Variants in LRP12 observed in about 807,000 individuals in gnomAD.
The protein encoded by LRP12 is low-density lipoprotein receptor-related protein 12.
Under a neutral mutation model 66.0 loss-of-function variants are expected in LRP12, and 14 were observed. The ratio of observed to expected loss-of-function variants is 0.21; its 90% CI spans 0.14 to 0.33. LRP12 has a LOEUF of 0.33. LRP12 is among the 10% of genes least tolerant of loss of function. LRP12 has a pLI of 1.00. For missense variants in LRP12, 889 were observed against 1,053.4 expected (o/e 0.84, Z 2.16); for synonymous variants, 357 against 359.1 (o/e 0.99, Z 0.07).
intron 1 of LRP12, among the ~76,000 whole-genome samples, chr8:104,551,189 T>A (rs1430914668): frequency 6.6e-6 from 1 of 152,194 alleles, no homozygotes; most frequent in African/African-American, 2.4e-5. Flanking sequence ...AAAAGTTGAG[T>A]GCATTGCCAC....
chr8:104,548,348 TATATA>T (rs1811658077), intron 1 of LRP12, among the ~76,000 whole-genome samples: 1 of 45,190 alleles, frequency 2.2e-5, no homozygotes, highest in African/African-American at 2.0e-4. Flanking sequence ...AATATATAAA[TATATA>T]ATATATATTA....
chr8:104,492,893 C>T (rs1379801804), intron 6 of LRP12, among the ~76,000 whole-genome samples: 1 of 151,978 alleles, frequency 6.6e-6, no homozygotes, highest in Non-Finnish European at 1.5e-5. Flanking sequence ...TTATAATGAA[C>T]TTCTCCACAG....
intron 1 of LRP12, among the ~76,000 whole-genome samples, chr8:104,580,606 A>G (rs1315371053): frequency 6.6e-6 from 1 of 152,094 alleles, no homozygotes; most frequent in Non-Finnish European, 1.5e-5. Flanking sequence ...CAAGAAAAAA[A>G]CCCATTGAAA....
chr8:104,527,738 C>T (rs909056855), intron 2 of LRP12, among the ~76,000 whole-genome samples: 4 of 151,932 alleles, frequency 2.6e-5, no homozygotes, highest in African/African-American at 4.8e-5. Context: ...TGCTAAATGA[C>T]GAGTTAATGG....
Position 104,490,499 on chromosome 8 carries a change from C to CT in LRP12, c.*173dup, listed in dbSNP as rs757005736. 3.6e-5 allele frequency: 23 copies of CT among 637,944 alleles called. No individual in the cohort carries two copies. Among genetic ancestry groups the CT allele is most frequent in the Non-Finnish European group, 5.2e-5 (20 of 385,642 alleles). The allele number at this position is 637,944 out of a possible 1,614,324, so 39.5% of individuals were successfully genotyped here. A position where few individuals can be genotyped will look rare whatever the true frequency, so the allele number is the denominator to read the frequency against. ...TTTTTAGCTGCTAAAATAGTAAACT[C>CT]TAAGTTCATAGAGTTACAAGTTGTC... On this transcript the variant is annotated 3_prime_UTR_variant, in exon 7 of 7. Coordinates refer to ENST00000276654, the MANE Select transcript of LRP12 (RefSeq NM_013437.5).
intron 1 of LRP12, among the ~76,000 whole-genome samples, chr8:104,575,219 C>T (rs1045840045): frequency 6.6e-6 from 1 of 152,190 alleles, no homozygotes; most frequent in African/African-American, 2.4e-5. Flanking sequence ...TCCACCAGTG[C>T]CCTGCCCCCA....
chr8:104,537,716 A>T (rs1225344522), intron 1 of LRP12, among the ~76,000 whole-genome samples: 5 of 152,190 alleles, frequency 3.3e-5, no homozygotes, highest in Non-Finnish European at 5.9e-5. Context: ...ATGAACATAT[A>T]GATATATGAC....
At chr8:104,514,050 T>C (rs1414513026) in intron 2 of LRP12, among the ~76,000 whole-genome samples, 1 of 152,156 alleles carries the variant, frequency 6.6e-6, no homozygotes, top group Non-Finnish European at 1.5e-5. Flanking sequence ...TGAAGAATAC[T>C]ACAGGCGTTT....
chr8:104,507,565 A>G (rs1164267505), intron 3 of LRP12: 1 of 152,242 alleles, frequency 6.6e-6, no homozygotes, highest in Non-Finnish European at 1.5e-5. Flanking sequence ...TTTATGCTAA[A>G]AAACTCCCAA....
chr8:104,570,399 T>C (rs1416253957), intron 1 of LRP12, among the ~76,000 whole-genome samples: 2 of 152,152 alleles, frequency 1.3e-5, no homozygotes, highest in Non-Finnish European at 2.9e-5. Flanking sequence ...CTACAGTAAT[T>C]AAGAAAGTGT....
Position 104,577,644 on chromosome 8 carries a change from AC to A in LRP12, c.79+11174del, listed in dbSNP as rs1812185683. 1.3e-5 allele frequency among the ~76,000 whole-genome samples: 2 copies of A among 152,004 alleles called. 1 individual carries two copies. The highest frequency in any genetic ancestry group is 4.1e-4 in the South Asian group (2 of 4,820). ...GCTAACAAGGTGAAACCCTGTCTCTACTGAAAATGCAAAAAAATTAGCTGGG... is the reference window on the plus strand; with the variant it reads ...GCTAACAAGGTGAAACCCTGTCTCTATGAAAATGCAAAAAAATTAGCTGGG... On this transcript the variant is annotated intron_variant, in intron 1 of 6. Transcript: ENST00000276654.
At chr8:104,563,793 C>T (rs1410679410) in intron 1 of LRP12, among the ~76,000 whole-genome samples, 1 of 152,140 alleles carries the variant, frequency 6.6e-6, no homozygotes, top group Non-Finnish European at 1.5e-5. Flanking sequence ...TCAAATCTGC[C>T]AGTGCCTCGA....
chr8:104,548,189 T>TTAATATTA lies in LRP12; in HGVS notation c.80-16227_80-16226insTAATATTA, dbSNP rs1554709910. Among the ~76,000 whole-genome samples, 644 of 91,582 alleles carry TTAATATTA rather than the reference T, an allele frequency of 7.0e-3. 13 individuals carry two copies. Among genetic ancestry groups the TTAATATTA allele is most frequent in the Admixed American group, 0.011 (71 of 6,336 alleles). The allele number at this position is 91,582 out of a possible 152,430, so 60.1% of individuals were successfully genotyped here. A position where few individuals can be genotyped will look rare whatever the true frequency, so the allele number is the denominator to read the frequency against. On this transcript the variant is annotated intron_variant, in intron 1 of 6. Transcript: ENST00000276654. ...TATATATAATATAATATATAATATA[T>TTAATATTA]ATATAAATATATGATATATTTATAT...
At chr8:104,564,526 A>G (rs1012368374) in intron 1 of LRP12, among the ~76,000 whole-genome samples, 1 of 152,104 alleles carries the variant, frequency 6.6e-6, no homozygotes, top group Admixed American at 6.5e-5. Flanking sequence ...TCTCAGGTGT[A>G]GGGATGAGAG....
chr8:104,588,475 T>G (rs777342320), intron 1 of LRP12, among the ~76,000 whole-genome samples: 1 of 152,134 alleles, frequency 6.6e-6, no homozygotes, highest in South Asian at 2.1e-4. Flanking sequence ...AGCATCTTTG[T>G]GTGTGGATTG....
intron 1 of LRP12, among the ~76,000 whole-genome samples, chr8:104,535,882 C>T (rs1431126207): frequency 6.6e-6 from 1 of 151,926 alleles, no homozygotes. Context: ...AGAAATAGTG[C>T]TTAGCTCTCA....
At chr8:104,519,830 G>A (rs993927931) in intron 2 of LRP12, among the ~76,000 whole-genome samples, 3 of 151,906 alleles carry the variant, frequency 2.0e-5, no homozygotes, top group East Asian at 3.8e-4. Context: ...CATTAGTACC[G>A]ATATTTAAGA....
In LRP12 at chr8:104,500,651, C is replaced by T. The variant is rs376753131; in HGVS notation, c.273-1132G>A. Among the ~76,000 whole-genome samples, 87 of 152,230 alleles carry T rather than the reference C, an allele frequency of 5.7e-4. 1 individual carries two copies. The highest frequency in any genetic ancestry group is 2.0e-3 in the African/African-American group (82 of 41,556). On this transcript the variant is annotated intron_variant, in intron 3 of 6. Transcript: ENST00000276654. Reference sequence around the variant, plus strand: ...CTGGGAGACAGAGTTTGCAGTAAGCCGAGACTGTGCCACTGCACTCCAACC... The same window carrying T: ...CTGGGAGACAGAGTTTGCAGTAAGCTGAGACTGTGCCACTGCACTCCAACC...
intron 1 of LRP12, among the ~76,000 whole-genome samples, chr8:104,535,279 T>C (rs1811378839): frequency 6.6e-6 from 1 of 151,930 alleles, no homozygotes; most frequent in African/African-American, 2.4e-5. Context: ...TCAACTAAAA[T>C]AGATGCTGCT....
Sources: gnomAD v4.1 joint callset for allele counts (sites outside exome capture counted in the v4.1 genomes callset) on GRCh38, gnomAD v4.1.1 for gene constraint, MANE v1.5 for transcripts, NCBI Gene and HGNC (gene_info 2026-07-23, HGNC 2026-07-21) for gene names.